The following AK2 variants were observed in gnomAD, a reference collection of about 807,000 sequenced individuals.
The protein encoded by AK2 is adenylate kinase 2.
In AK2, 15 loss-of-function variants were observed where a neutral mutation model predicts 24.6. The observed-to-expected ratio is 0.61, with a 90% confidence interval of 0.41 to 0.94. AK2 has a LOEUF of 0.94. Ranked by LOEUF, AK2 falls within the 40% of genes least tolerant of loss-of-function variation. The pLI is 0.00. For missense variants in AK2, 257 were observed against 304.1 expected, an observed-to-expected ratio of 0.85 and a Z score of 1.15; for synonymous variants, 102 against 114.0, an observed-to-expected ratio of 0.90 and a Z score of 0.67.
At chr1:33,014,631 G>A (rs1283094726) in intron 4 of AK2, 37 bp from the exon 5 acceptor site, 17 of 1,564,488 alleles carry the variant, frequency 1.1e-5, no homozygotes, top group Non-Finnish European at 1.4e-5. Flanking sequence ...TAGGTTAACT[G>A]ACAGTACGCG....
intron 4 of AK2, chr1:33,020,188 AACACACACACACACACACACACAC>A (rs56098182): frequency 6.8e-6 from 6 of 876,884 alleles, no homozygotes; most frequent in Middle Eastern, 2.2e-4. Context: ...AACATGTTAA[AACACACACACACACACACACACAC>A]ACACACACAC....
chr1:33,026,531 G>A (rs565922198), intron 1 of AK2, among the ~76,000 whole-genome samples: 4 of 152,346 alleles, frequency 2.6e-5, no homozygotes, highest in Admixed American at 6.5e-5. Flanking sequence ...GTACTTGGCC[G>A]GGTGCAGTGG....
chr1:33,011,635 ATC>A lies in AK2; in HGVS notation c.*1544_*1545del. 1 of 1,291,786 alleles carries A rather than the reference ATC, an allele frequency of 7.7e-7. No homozygotes were observed. The highest frequency in any genetic ancestry group is 1.0e-6 in the Non-Finnish European group (1 of 991,988). 80.0% of individuals were successfully genotyped at this position (1,291,786 alleles called of 1,614,324 possible). A position where few individuals can be genotyped will look rare whatever the true frequency, so the allele number is the denominator to read the frequency against. ...TGAGGCTGGCGATATTATTTACTGG[ATC>A]TGCCACTGACTTTCTAATGGTTTTT... On this transcript the variant is annotated 3_prime_UTR_variant, in exon 6 of 6. Transcript: ENST00000672715.
rs1638638654 is a variant in AK2, at chr1:33,008,972, G to A, written c.*4209C>T. On this transcript the variant is annotated 3_prime_UTR_variant, in exon 6 of 6. Transcript: ENST00000672715. ...ATTTCCCCACAATTAGATGCATGAT[G>A]ACCAAGGGAGGAAAGAAAATTTTCA... is the stretch of plus-strand genomic sequence containing the variant. 2.2e-6 allele frequency: 1 copy of A among 453,990 alleles called. No individual in the cohort carries two copies. Among genetic ancestry groups the A allele is most frequent in the Admixed American group, 2.4e-5 (1 of 42,546 alleles). 28.1% of individuals were successfully genotyped at this position (453,990 alleles called of 1,614,324 possible).
chr1:33,023,053 GA>G (rs546585870), intron 2 of AK2, among the ~76,000 whole-genome samples: 76 of 152,268 alleles, frequency 5.0e-4, no homozygotes, highest in African/African-American at 1.5e-3. Flanking sequence ...AAGCCTAACA[GA>G]AGGTAACTTG....
Position 33,011,109 on chromosome 1 carries a change from C to T in AK2, c.*2072G>A, listed in dbSNP as rs1213642880. On this transcript the variant is annotated 3_prime_UTR_variant, in exon 6 of 6. Coordinates refer to ENST00000672715, the MANE Select transcript of AK2 (RefSeq NM_001625.4). The stretch of plus-strand genomic sequence containing the variant: ...ATTACTTGTACATGTTGTATGCACA[C>T]GTGAATCTATGTGGACGGATGACAA... 1.7e-5 allele frequency: 24 copies of T among 1,425,306 alleles called. No homozygotes were observed. In the East Asian group the frequency reaches 3.1e-4, roughly 19 times the overall value. 88.3% of individuals were successfully genotyped at this position (1,425,306 alleles called of 1,614,324 possible). A position where few individuals can be genotyped will look rare whatever the true frequency, so the allele number is the denominator to read the frequency against.
intron 4 of AK2, among the ~76,000 whole-genome samples, chr1:33,019,120 C>T (rs1008121668): frequency 3.9e-5 from 6 of 152,174 alleles, no homozygotes; most frequent in African/African-American, 1.2e-4. Context: ...TACTCTTCAT[C>T]GAGGAAGAGT....
chr1:33,011,447 C>T lies in AK2; in HGVS notation c.*1734G>A. The T allele has an allele frequency of 7.8e-6, 10 of 1,287,354 alleles. No homozygotes were observed. Among genetic ancestry groups the T allele is most frequent in the Non-Finnish European group, 1.0e-5 (10 of 988,792 alleles). 79.7% of individuals were successfully genotyped at this position (1,287,354 alleles called of 1,614,324 possible). On this transcript the variant is annotated 3_prime_UTR_variant, in exon 6 of 6. Transcript: ENST00000672715. ...GCAGGACAGAGGCAGCAGACACTCA[C>T]TTGGACCAGGCAAAGAGGGAAGCAA...
At chr1:33,020,190 C>A (rs1416010376) in intron 4 of AK2, 2 of 205,930 alleles carry the variant, frequency 9.7e-6, no homozygotes, top group Non-Finnish European at 1.4e-5. Flanking sequence ...CATGTTAAAA[C>A]ACACACACAC....
At position 33,013,274 on chromosome 1, in the gene AK2, G is replaced by A; in HGVS notation, c.627C>T (p.Ala209=). Residue 209 remains alanine (A), a synonymous_variant, in exon 6 of 6, where the codon GCC becomes GCT. Transcript: ENST00000672715. The stretch of plus-strand genomic sequence containing the variant: ...CATCGGGGGTCTGGGATGCATCGAT[G>A]GCGGAGTGGATCCCCCGTTTCCTGT... ...EYYRKRGIHS[A]IDASQTPDVV... is the part of the protein sequence containing the mutation. 6.2e-7 allele frequency: 1 copy of A among 1,614,172 alleles called. No individual in the cohort carries two copies. The highest frequency in any genetic ancestry group is 1.1e-5 in the South Asian group (1 of 91,080).
intron 1 of AK2, among the ~76,000 whole-genome samples, chr1:33,030,006 CA>C (rs1343306098): frequency 6.6e-6 from 1 of 152,166 alleles, no homozygotes; most frequent in Non-Finnish European, 1.5e-5. Context: ...AGGAAGAGTC[CA>C]AATATCTTAG....
Position 33,011,043 on chromosome 1 carries a change from C to G in AK2, c.*2138G>C. On this transcript the variant is annotated 3_prime_UTR_variant, in exon 6 of 6. Coordinates refer to ENST00000672715, the MANE Select transcript of AK2 (RefSeq NM_001625.4). ...CTAACCATACTGAGAAGGGTATATGCATTCCCTATGAATCTTCCAGTTCTT... is the reference window on the plus strand; with the variant it reads ...CTAACCATACTGAGAAGGGTATATGGATTCCCTATGAATCTTCCAGTTCTT... The G allele has an allele frequency of 1.0e-6, 1 of 985,376 alleles. No individual in the cohort carries two copies. The highest frequency in any genetic ancestry group is 4.7e-5 in the South Asian group (1 of 21,290). The allele number at this position is 985,376 out of a possible 1,614,324, so 61.0% of individuals were successfully genotyped here.
At chr1:33,018,620 G>A (rs1401860007) in intron 4 of AK2, among the ~76,000 whole-genome samples, 3 of 152,246 alleles carry the variant, frequency 2.0e-5, no homozygotes, top group Non-Finnish European at 2.9e-5. Flanking sequence ...CTGTGAGGAC[G>A]GGGGTCCTTC....
At position 33,036,792 on chromosome 1, in the gene AK2, G is replaced by A. The variant is rs1227064309; in HGVS notation, c.37C>T (p.Pro13Ser). ...PSVPAAEPEY[P>S]KGIRAVLLGP... ...AGCAGCACGGCCCGGATGCCTTTAG[G>A]ATACTCGGGTTCTGCCGCTGGCACG... is the stretch of plus-strand genomic sequence containing the variant. The change falls in exon 1 of 6, where the codon CCT (proline) becomes TCT (serine). Residue 13 changes from proline (P) to serine (S), a missense_variant. Coordinates refer to ENST00000672715, the MANE Select transcript of AK2 (RefSeq NM_001625.4). The A allele has an allele frequency of 2.5e-6, 4 of 1,599,698 alleles. No homozygotes were observed. Among genetic ancestry groups the A allele is most frequent in the Non-Finnish European group, 2.6e-6 (3 of 1,174,058 alleles).
chr1:33,015,483 T>C (rs1001389437), intron 4 of AK2, among the ~76,000 whole-genome samples: 2 of 152,186 alleles, frequency 1.3e-5, no homozygotes, highest in Non-Finnish European at 2.9e-5. Context: ...ACTTCTGTGG[T>C]TTCTCAATTC....
At chr1:33,018,308 C>T (rs1345911921) in intron 4 of AK2, among the ~76,000 whole-genome samples, 1 of 152,138 alleles carries the variant, frequency 6.6e-6, no homozygotes, top group Non-Finnish European at 1.5e-5. Context: ...GGGTCCATAT[C>T]ATCTCAGACT....
chr1:33,027,298 G>A (rs1569697910), intron 1 of AK2, among the ~76,000 whole-genome samples: 1 of 152,292 alleles, frequency 6.6e-6, no homozygotes, highest in Non-Finnish European at 1.5e-5. Context: ...GCTTGCTCAA[G>A]TGGAAAGGCT....
Position 33,036,862 on chromosome 1 carries a change from A to C in AK2, c.-34T>G. 6.5e-7 allele frequency: 1 copy of C among 1,544,760 alleles called. No individual in the cohort carries two copies. Among genetic ancestry groups the C allele is most frequent in the Non-Finnish European group, 8.8e-7 (1 of 1,137,350 alleles). ...AAGTCTCTCACTGCCACCAGTTCGC[A>C]CGCCTCACAGGTCCAGTGCTTCCCA... On this transcript the variant is annotated 5_prime_UTR_variant, in exon 1 of 6. Coordinates refer to ENST00000672715, the MANE Select transcript of AK2 (RefSeq NM_001625.4).
At chr1:33,026,580 G>T (rs907626690) in intron 1 of AK2, among the ~76,000 whole-genome samples, 1 of 152,116 alleles carries the variant, frequency 6.6e-6, no homozygotes, top group Non-Finnish European at 1.5e-5. Flanking sequence ...AGGCCAAGGC[G>T]GGTGGATCAC....
Sources: gnomAD v4.1 joint callset for allele counts (sites outside exome capture counted in the v4.1 genomes callset) on GRCh38, gnomAD v4.1.1 for gene constraint, MANE v1.5 for transcripts, NCBI Gene and HGNC (gene_info 2026-07-23, HGNC 2026-07-21) for gene names.